GABRA5: variants seen among roughly 807,000 people sequenced by gnomAD.
The protein encoded by GABRA5 is gamma-aminobutyric acid type A receptor subunit alpha5, also known as gamma-aminobutyric acid receptor subunit alpha-5.
In GABRA5, 18 loss-of-function variants were observed where a neutral mutation model predicts 47.3. The observed-to-expected ratio is 0.38, with a 90% CI of 0.26 to 0.56. The LOEUF (loss-of-function observed/expected upper bound fraction) is 0.56, where lower values mean the gene tolerates loss of function less well. GABRA5 is among the 20% of genes least tolerant of loss of function. The pLI, the probability that GABRA5 is intolerant of heterozygous loss-of-function variation, is 0.71. For missense variants in GABRA5, 365 were observed against 599.3 expected, an observed-to-expected ratio of 0.61 and a Z score of 4.08; for synonymous variants, 237 against 229.3, an observed-to-expected ratio of 1.03 and a Z score of -0.30.
intron 7 of GABRA5, among the ~76,000 whole-genome samples, chr15:26,936,166 T>A (rs529601283): frequency 2.0e-5 from 3 of 152,304 alleles, no homozygotes; most frequent in African/African-American, 7.2e-5. Context: ...CATGATTGTA[T>A]GTTTCCTGAG....
At chr15:26,946,406 A>G (rs1894511899) in intron 10 of GABRA5, among the ~76,000 whole-genome samples, 2 of 149,524 alleles carry the variant, frequency 1.3e-5, no homozygotes, top group Non-Finnish European at 3.0e-5. Context: ...CTATCTGTCC[A>G]TCAATACACC....
At chr15:26,914,090 C>A (rs1391734389) in intron 6 of GABRA5, among the ~76,000 whole-genome samples, 3 of 152,156 alleles carry the variant, frequency 2.0e-5, no homozygotes, top group African/African-American at 7.2e-5. Flanking sequence ...GCTCTTGTTA[C>A]CATCATTATT....
intron 3 of GABRA5, among the ~76,000 whole-genome samples, chr15:26,873,899 G>C (rs956193130): frequency 6.6e-6 from 1 of 152,234 alleles, no homozygotes; most frequent in Non-Finnish European, 1.5e-5. Flanking sequence ...AATGTAGGTG[G>C]TTAAAAGAGG....
intron 6 of GABRA5, among the ~76,000 whole-genome samples, chr15:26,895,431 C>T (rs752393400): frequency 1.3e-5 from 2 of 152,024 alleles, no homozygotes; most frequent in African/African-American, 2.4e-5. Context: ...ATCCGAACTC[C>T]GTCACTAACA....
intron 7 of GABRA5, among the ~76,000 whole-genome samples, chr15:26,928,192 T>C (rs1894005414): frequency 6.6e-6 from 1 of 152,156 alleles, no homozygotes; most frequent in African/African-American, 2.4e-5. Context: ...AGAGAGAATT[T>C]CAGGAAATGA....
At chr15:26,942,015 C>T (rs903414843) in intron 9 of GABRA5, among the ~76,000 whole-genome samples, 1 of 152,184 alleles carries the variant, frequency 6.6e-6, no homozygotes, top group African/African-American at 2.4e-5. Flanking sequence ...GTGTGTTACA[C>T]CCCCATCGCC....
At chr15:26,916,107 A>T (rs1292508203) in intron 7 of GABRA5, among the ~76,000 whole-genome samples, 1 of 152,144 alleles carries the variant, frequency 6.6e-6, no homozygotes, top group African/African-American at 2.4e-5. Flanking sequence ...TGCCTGGGAT[A>T]TCTTTCTACT....
intron 10 of GABRA5, 73 bp from the exon 11 acceptor site, chr15:26,947,861 C>A: frequency 7.4e-7 from 1 of 1,347,332 alleles, no homozygotes; most frequent in Non-Finnish European, 1.0e-6. Flanking sequence ...GAGAGGTATA[C>A]CTTTAGAACT....
intron 9 of GABRA5, among the ~76,000 whole-genome samples, chr15:26,941,451 C>A (rs1894382496): frequency 6.6e-6 from 1 of 151,992 alleles, no homozygotes; most frequent in African/African-American, 2.4e-5. Flanking sequence ...AAAAAAAAAT[C>A]AAAGATTTCT....
At chr15:26,884,406 G>C (rs1031467150) in intron 6 of GABRA5, among the ~76,000 whole-genome samples, 10 of 152,012 alleles carry the variant, frequency 6.6e-5, no homozygotes, top group African/African-American at 2.2e-4. Flanking sequence ...AATGAGAAAG[G>C]CTCCTTTAGA....
intron 6 of GABRA5, among the ~76,000 whole-genome samples, chr15:26,893,706 G>C (rs998926215): frequency 4.6e-5 from 7 of 152,012 alleles, no homozygotes; most frequent in Non-Finnish European, 7.4e-5. Context: ...GGATCTGGGG[G>C]CACAGGAGTG....
intron 6 of GABRA5, among the ~76,000 whole-genome samples, chr15:26,893,532 G>A (rs1371434949): frequency 1.3e-5 from 1 of 74,682 alleles, no homozygotes; most frequent in Non-Finnish European, 3.0e-5. Flanking sequence ...TCTGATGGGA[G>A]CAGCGGTGGG....
chr15:26,946,060 G>A (rs545869840), intron 10 of GABRA5, among the ~76,000 whole-genome samples: 21 of 152,118 alleles, frequency 1.4e-4, no homozygotes, highest in Non-Finnish European at 2.4e-4. Context: ...TCAAGCTCCC[G>A]CACGGTTTCC....
rs574325288 is a variant in GABRA5, at chr15:26,945,822, C to A, written c.1090-2112C>A. Among the ~76,000 whole-genome samples the A allele has an allele frequency of 9.9e-5, 15 of 152,254 alleles. No homozygotes were observed. The East Asian group carries it at 2.9e-3, about 29-fold the overall frequency. Reference sequence around the variant, plus strand: ...GCGGGTGCTCCCTGCCACCCGCCCCCACCCCTGCTGCACATTCCTTCCCAG... The same window carrying A: ...GCGGGTGCTCCCTGCCACCCGCCCCAACCCCTGCTGCACATTCCTTCCCAG... On this transcript the variant is annotated intron_variant, in intron 10 of 10. Coordinates refer to ENST00000335625, the MANE Select transcript of GABRA5 (RefSeq NM_000810.4).
At chr15:26,897,875 C>T (rs931126050) in intron 6 of GABRA5, among the ~76,000 whole-genome samples, 1 of 152,096 alleles carries the variant, frequency 6.6e-6, no homozygotes. Flanking sequence ...CTTTTTAGTG[C>T]CCATTTTATC....
At chr15:26,919,072 G>C (rs1893781498) in intron 7 of GABRA5, among the ~76,000 whole-genome samples, 1 of 152,188 alleles carries the variant, frequency 6.6e-6, no homozygotes, top group Non-Finnish European at 1.5e-5. Context: ...GAACCTAGGA[G>C]GCAGAGGCTG....
At chr15:26,871,231 C>T (rs1892464712) in intron 3 of GABRA5, among the ~76,000 whole-genome samples, 2 of 152,270 alleles carry the variant, frequency 1.3e-5, no homozygotes, top group South Asian at 4.1e-4. Flanking sequence ...AACAAAGAAA[C>T]AAAATCTTAG....
intron 8 of GABRA5, among the ~76,000 whole-genome samples, chr15:26,938,008 C>T (rs796970319): frequency 1.3e-5 from 2 of 152,312 alleles, no homozygotes; most frequent in African/African-American, 4.8e-5. Context: ...GCCTCTGCAG[C>T]CTTGGAGAAA....
chr15:26,931,810 G>A (rs568686297), intron 7 of GABRA5, among the ~76,000 whole-genome samples: 1 of 152,290 alleles, frequency 6.6e-6, no homozygotes, highest in South Asian at 2.1e-4. Flanking sequence ...CAGTTGTCAA[G>A]ATATTGAAAC....
Sources: allele counts gnomAD v4.1 joint callset (sites outside exome capture counted in the v4.1 genomes callset), GRCh38; gene constraint gnomAD v4.1.1; transcripts MANE v1.5; gene names NCBI Gene and HGNC (gene_info 2026-07-23, HGNC 2026-07-21).